GRIK4: variants seen among roughly 807,000 people sequenced by gnomAD.
GRIK4 encodes glutamate ionotropic receptor kainate type subunit 4.
Under a neutral mutation model 104.9 loss-of-function variants are expected in GRIK4, and 40 were observed. That is an observed-to-expected ratio of 0.38 (90% confidence interval 0.30 to 0.50). GRIK4 has a LOEUF of 0.50. Among genes scored for constraint, GRIK4 ranks in the 20% least tolerant of loss-of-function variants. The probability of loss-of-function intolerance (pLI) is 0.93; values close to 1 mark genes in which losing one functional copy is unlikely to be tolerated. For missense variants in GRIK4, 1,047 were observed against 1,308.1 expected (o/e 0.80, Z 3.08); for synonymous variants, 485 against 524.9 (o/e 0.92, Z 1.04).
intron 3 of GRIK4, among the ~76,000 whole-genome samples, chr11:120,703,882 G>A (rs77952578): frequency 0.018 from 2,710 of 152,198 alleles, 67 homozygotes; most frequent in East Asian, 0.13. Flanking sequence ...AAGAGCACTC[G>A]TCTTGATCAT....
At chr11:120,561,986 T>C (rs546418333) in intron 1 of GRIK4, among the ~76,000 whole-genome samples, 145 of 152,342 alleles carry the variant, frequency 9.5e-4, no homozygotes, top group African/African-American at 3.4e-3. Context: ...CAGAAGGATG[T>C]CGTGTTCTTC....
chr11:120,874,834 C>T (rs1954733856), intron 10 of GRIK4, among the ~76,000 whole-genome samples: 1 of 152,126 alleles, frequency 6.6e-6, no homozygotes, highest in African/African-American at 2.4e-5. Flanking sequence ...AGCCAAGGGC[C>T]TGGAGGAGGG....
chr11:120,755,033 G>A (rs533145480), intron 3 of GRIK4, among the ~76,000 whole-genome samples: 1 of 152,308 alleles, frequency 6.6e-6, no homozygotes, highest in East Asian at 1.9e-4. Context: ...AACTGCAAAC[G>A]ATGTCAGTGT....
Position 120,591,292 on chromosome 11 carries a change from G to C in GRIK4, c.-158-62393G>C, listed in dbSNP as rs555153040. ...GGGAGGCATCACTAGGACTCACCTG[G>C]GGCTGGTGGATGCCCCTTGACCCTG... On this transcript the variant is annotated intron_variant, in intron 1 of 20. Transcript: ENST00000527524. Among the ~76,000 whole-genome samples the C allele has an allele frequency of 2.0e-5, 3 of 151,994 alleles. No homozygotes were observed. In the South Asian group the frequency reaches 6.2e-4, roughly 32 times the overall value.
At chr11:120,608,821 A>G (rs186015511) in intron 1 of GRIK4, among the ~76,000 whole-genome samples, 40 of 151,772 alleles carry the variant, frequency 2.6e-4, no homozygotes, top group Non-Finnish European at 1.2e-4. Flanking sequence ...CTGACCTTGG[A>G]TGCTCCTTCT....
intron 1 of GRIK4, among the ~76,000 whole-genome samples, chr11:120,560,267 G>T (rs1159932994): frequency 6.6e-6 from 1 of 152,030 alleles, no homozygotes; most frequent in African/African-American, 2.4e-5. Context: ...GGCCAGGCTG[G>T]TCTCAAACTC....
chr11:120,526,764 G>A (rs879581359), intron 1 of GRIK4, among the ~76,000 whole-genome samples: 2 of 152,164 alleles, frequency 1.3e-5, no homozygotes, highest in Non-Finnish European at 2.9e-5. Context: ...CCTGGAAGGC[G>A]GAGGTTGCAG....
chr11:120,778,173 G>T (rs1157240588), intron 3 of GRIK4, among the ~76,000 whole-genome samples: 2 of 152,112 alleles, frequency 1.3e-5, no homozygotes, highest in African/African-American at 4.8e-5. Flanking sequence ...TTCCTCGAAG[G>T]CAGGGACCAT....
chr11:120,819,770 G>A lies in GRIK4; in HGVS notation c.361G>A (p.Val121Met). 1.9e-6 allele frequency: 3 copies of A among 1,614,156 alleles called. No homozygotes were observed. The highest frequency in any genetic ancestry group is 2.2e-5 in the East Asian group (1 of 44,878). The change falls in exon 6 of 21, where the codon GTG (valine) becomes ATG (methionine). Residue 121 changes from valine to methionine, a missense_variant. This residue lies in a region of GRIK4 where 447 missense variants were observed against 514.9 expected (regional missense o/e 0.87). Transcript: ENST00000527524. This position sits in a 1 kb window ranked among gnomAD's most constrained non-coding sequence, Gnocchi z 4.3. ...CGEKEVPHFKVAPEEFVKFQF... is the reference protein window; with the variant it reads ...CGEKEVPHFKMAPEEFVKFQF... ...CTCTTGCCAGGTCCCTCACTTCAAA[G>A]TGGCCCCAGAGGAGTTCGTCAAGTT...
At chr11:120,815,521 T>C in intron 5 of GRIK4, 46 bp downstream of exon 5, 1 of 1,151,300 alleles carries the variant, frequency 8.7e-7, no homozygotes, top group Non-Finnish European at 1.2e-6. Context: ...CTGGAGCCTG[T>C]GCCCAGGGTC....
At chr11:120,888,358 T>C (rs1364175865) in intron 11 of GRIK4, among the ~76,000 whole-genome samples, 1 of 152,036 alleles carries the variant, frequency 6.6e-6, no homozygotes, top group African/African-American at 2.4e-5. Flanking sequence ...AGAGCCTCAG[T>C]TTTCTTATCT....
chr11:120,615,839 A>G (rs766406917), intron 1 of GRIK4, among the ~76,000 whole-genome samples: 1 of 151,510 alleles, frequency 6.6e-6, no homozygotes, highest in African/African-American at 2.4e-5. Context: ...TTTCAGTCTC[A>G]CTCATTGCTT....
intron 11 of GRIK4, among the ~76,000 whole-genome samples, chr11:120,876,130 A>G (rs1022103136): frequency 5.7e-4 from 86 of 151,196 alleles, no homozygotes; most frequent in Non-Finnish European, 8.9e-4. Flanking sequence ...CATCACCACC[A>G]CCATCACTGT....
chr11:120,646,426 C>A (rs1277602091), intron 1 of GRIK4, among the ~76,000 whole-genome samples: 1 of 152,158 alleles, frequency 6.6e-6, no homozygotes, highest in Non-Finnish European at 1.5e-5. Context: ...TGCGGATAAC[C>A]ACTCCCTTGT....
chr11:120,625,743 G>T (rs75877142), intron 1 of GRIK4, among the ~76,000 whole-genome samples: 4,167 of 151,952 alleles, frequency 0.027, 190 homozygotes, highest in African/African-American at 0.096. Context: ...CCACGTGTTT[G>T]GGGGGAGGGT....
intron 8 of GRIK4, among the ~76,000 whole-genome samples, chr11:120,860,272 C>T (rs767589170): frequency 3.3e-5 from 5 of 151,952 alleles, no homozygotes; most frequent in Non-Finnish European, 7.4e-5. Flanking sequence ...GGCATCTTTC[C>T]GGGAGCGGGG....
In GRIK4 at chr11:120,849,037, T is replaced by C. The variant is rs776814873; in HGVS notation, c.744+12193T>C. ...AATTATCAGACAACCCCTTTGCTGA[T>C]GTTTGACAAATAGCATGACAGGGAA... On this transcript the variant is annotated intron_variant, in intron 8 of 20. Transcript: ENST00000527524. 4.8e-4 allele frequency among the ~76,000 whole-genome samples: 73 copies of C among 152,192 alleles called. 2 individuals are homozygous for C. The highest frequency in any genetic ancestry group is 9.8e-4 in the Non-Finnish European group (67 of 68,024).
intron 8 of GRIK4, among the ~76,000 whole-genome samples, chr11:120,850,299 G>GGGGA (rs1173403148): frequency 2.8e-4 from 42 of 152,054 alleles, no homozygotes; most frequent in Admixed American, 2.8e-3. Context: ...TCACAGTCCT[G>GGGGA]GGGAGTGTGT....
intron 3 of GRIK4, among the ~76,000 whole-genome samples, chr11:120,751,357 C>T (rs999868673): frequency 2.0e-5 from 3 of 152,170 alleles, no homozygotes; most frequent in East Asian, 1.9e-4. Context: ...AAAGCCTTAG[C>T]GGTTCTTGGC....
Sources: allele counts gnomAD v4.1 joint callset (sites outside exome capture counted in the v4.1 genomes callset), GRCh38; gene constraint gnomAD v4.1.1; regional missense constraint gnomAD v4.1.1; non-coding constraint Gnocchi (gnomAD v3.1); transcripts MANE v1.5; gene names NCBI Gene and HGNC (gene_info 2026-07-23, HGNC 2026-07-21).